SGCD: variants seen among roughly 807,000 people sequenced by gnomAD.
The protein encoded by SGCD is sarcoglycan delta.
In SGCD, 18 loss-of-function variants were observed where a neutral mutation model predicts 36.6. That is an observed-to-expected ratio of 0.49 (90% CI 0.34 to 0.73). The LOEUF (loss-of-function observed/expected upper bound fraction) is 0.73, where lower values mean the gene tolerates loss of function less well. SGCD is among the 30% of genes least tolerant of loss of function. The pLI, the probability that SGCD is intolerant of heterozygous loss-of-function variation, is 0.01. For synonymous variants in SGCD, 133 were observed against 130.6 expected (o/e 1.02, Z -0.12); for missense variants, 387 against 346.7 (o/e 1.12, Z -0.92).
At chr5:155,733,735 C>A in the SGCD span, among the ~76,000 whole-genome samples, 38 of 151,856 alleles carry the variant, frequency 2.5e-4, no homozygotes, top group African/African-American at 9.0e-4. Context: ...TTAAGTTGGG[C>A]CCCGAGTGCA....
chr5:156,590,130 A>G (rs903355216), intron 5 of SGCD, among the ~76,000 whole-genome samples: 4 of 152,210 alleles, frequency 2.6e-5, no homozygotes, highest in African/African-American at 9.6e-5. Context: ...GTTTGGCTTC[A>G]GGGCTAAAAG....
At chr5:156,382,222 T>C (rs541131620) in intron 3 of SGCD, among the ~76,000 whole-genome samples, 1 of 152,216 alleles carries the variant, frequency 6.6e-6, no homozygotes, top group South Asian at 2.1e-4. Context: ...AATCAATGCC[T>C]CTTAGATGGT....
At chr5:155,856,748 A>T in the SGCD span, among the ~76,000 whole-genome samples, 1 of 152,338 alleles carries the variant, frequency 6.6e-6, no homozygotes. Context: ...ACGTAAAAGC[A>T]TGATTAATTT....
At chr5:156,612,871 A>G (rs1383623802) in intron 6 of SGCD, among the ~76,000 whole-genome samples, 6 of 152,214 alleles carry the variant, frequency 3.9e-5, no homozygotes, top group Non-Finnish European at 8.8e-5. Context: ...GGGCAGTGCA[A>G]CTGCATGACT....
chr5:155,966,973 G>A (rs1051419328), intron 1 of SGCD, among the ~76,000 whole-genome samples: 1 of 149,590 alleles, frequency 6.7e-6, no homozygotes, highest in Non-Finnish European at 1.5e-5. Flanking sequence ...GTGTGTATGT[G>A]TATGTGTGTA....
chr5:156,192,946 T>C (rs1442623221), intron 3 of SGCD, among the ~76,000 whole-genome samples: 1 of 151,182 alleles, frequency 6.6e-6, no homozygotes, highest in Non-Finnish European at 1.5e-5. Flanking sequence ...AGACCATATG[T>C]AAACTAATGA....
chr5:155,813,500 G>T, the SGCD span, among the ~76,000 whole-genome samples: 40,052 of 152,002 alleles, frequency 0.26, 5,909 homozygotes, highest in Admixed American at 0.46. Flanking sequence ...CCTGTGAGCA[G>T]ATTTTAATCA....
intron 1 of SGCD, among the ~76,000 whole-genome samples, chr5:156,093,463 A>T (rs768704379): frequency 6.6e-6 from 1 of 152,222 alleles, no homozygotes; most frequent in African/African-American, 2.4e-5. Context: ...TTACCAGTAT[A>T]TCTATGGAAG....
chr5:155,906,677 G>C (rs1022289382), intron 1 of SGCD, among the ~76,000 whole-genome samples: 1 of 152,094 alleles, frequency 6.6e-6, no homozygotes. Context: ...CTTTGAAGAC[G>C]AGAGAGGTAA....
chr5:156,297,634 G>C (rs532237367), intron 3 of SGCD, among the ~76,000 whole-genome samples: 1 of 106,224 alleles, frequency 9.4e-6, no homozygotes, highest in Non-Finnish European at 1.8e-5. Flanking sequence ...TCTGGGGACT[G>C]TTGTGGGGTG....
At chr5:156,212,493 T>C (rs938669829) in intron 3 of SGCD, among the ~76,000 whole-genome samples, 2 of 152,156 alleles carry the variant, frequency 1.3e-5, no homozygotes, top group Admixed American at 6.5e-5. Flanking sequence ...CATCTAAATA[T>C]GTGAAACAAA....
intron 3 of SGCD, among the ~76,000 whole-genome samples, chr5:156,481,664 G>C (rs574866916): frequency 2.0e-5 from 3 of 152,096 alleles, no homozygotes; most frequent in Non-Finnish European, 2.9e-5. Flanking sequence ...GCCCCCACAG[G>C]ATTTTAGGGA....
intron 1 of SGCD, among the ~76,000 whole-genome samples, chr5:155,897,874 C>G (rs1007720961): frequency 6.6e-6 from 1 of 152,148 alleles, no homozygotes; most frequent in Non-Finnish European, 1.5e-5. Context: ...TGATTGTACT[C>G]AAACTGACTT....
intron 7 of SGCD, among the ~76,000 whole-genome samples, chr5:156,691,731 C>A (rs2113707630): frequency 6.6e-6 from 1 of 152,274 alleles, no homozygotes; most frequent in Non-Finnish European, 1.5e-5. Context: ...TCAGATTTGG[C>A]CGATGGGCCA....
At chr5:156,551,305 C>T (rs1360875364) in intron 4 of SGCD, among the ~76,000 whole-genome samples, 5 of 152,262 alleles carry the variant, frequency 3.3e-5, no homozygotes, top group African/African-American at 9.6e-5. Context: ...TTTCCTAGGA[C>T]TTATTCCCAC....
intron 7 of SGCD, among the ~76,000 whole-genome samples, chr5:156,683,347 G>A (rs544884558): frequency 5.3e-5 from 8 of 152,220 alleles, no homozygotes; most frequent in East Asian, 3.9e-4. Flanking sequence ...AGCATCATGC[G>A]GACAGGGTAA....
At chr5:156,139,147 G>A (rs1762520744) in intron 3 of SGCD, among the ~76,000 whole-genome samples, 1 of 152,074 alleles carries the variant, frequency 6.6e-6, no homozygotes, top group Non-Finnish European at 1.5e-5. Flanking sequence ...TTTTTTAAAT[G>A]TTGTCTTCTG....
chr5:156,213,375 G>A (rs1284487373), intron 3 of SGCD, among the ~76,000 whole-genome samples: 2 of 151,956 alleles, frequency 1.3e-5, no homozygotes, highest in South Asian at 2.1e-4. Context: ...GGAAGAAATG[G>A]ATAAATTCCA....
At chr5:156,041,408 C>T (rs998327982) in intron 1 of SGCD, among the ~76,000 whole-genome samples, 1 of 152,092 alleles carries the variant, frequency 6.6e-6, no homozygotes, top group Non-Finnish European at 1.5e-5. Flanking sequence ...AATTTTTTTC[C>T]GATACTTCCG....
Sources: allele counts gnomAD v4.1 joint callset (sites outside exome capture counted in the v4.1 genomes callset), GRCh38; gene constraint gnomAD v4.1.1; transcripts MANE v1.5; gene names NCBI Gene and HGNC (gene_info 2026-07-23, HGNC 2026-07-21).